Variants in ASTN2 observed in about 807,000 individuals in gnomAD.
ASTN2 encodes astrotactin 2, also known as astrotactin-2.
Under a neutral mutation model 139.8 loss-of-function variants are expected in ASTN2, and 54 were observed. The ratio of observed to expected loss-of-function variants is 0.39; its 90% CI spans 0.31 to 0.48. The LOEUF (loss-of-function observed/expected upper bound fraction) is 0.48, where lower values mean the gene tolerates loss of function less well. ASTN2 is among the 20% of genes least tolerant of loss of function. The pLI, the probability that ASTN2 is intolerant of heterozygous loss-of-function variation, is 0.95. For missense variants in ASTN2, 1,565 were observed against 1,725.1 expected, an observed-to-expected ratio of 0.91 and a Z score of 1.64; for synonymous variants, 756 against 719.5, an observed-to-expected ratio of 1.05 and a Z score of -0.81.
intron 19 of ASTN2, among the ~76,000 whole-genome samples, chr9:116,614,446 G>A (rs1855728716): frequency 6.6e-6 from 1 of 152,124 alleles, no homozygotes; most frequent in African/African-American, 2.4e-5. Flanking sequence ...CAAAGCTGGA[G>A]GCATCACACT....
chr9:117,048,133 C>A (rs1285915614), intron 5 of ASTN2, among the ~76,000 whole-genome samples: 3 of 152,202 alleles, frequency 2.0e-5, no homozygotes, highest in Admixed American at 6.5e-5. Flanking sequence ...CTCTATCAAC[C>A]TGCTAGATGT....
chr9:117,310,443 T>C (rs973726374), intron 1 of ASTN2, among the ~76,000 whole-genome samples: 4 of 152,158 alleles, frequency 2.6e-5, no homozygotes, highest in Admixed American at 6.5e-5. Flanking sequence ...TAAAGCATTC[T>C]CCTGAAGACA....
At chr9:116,831,562 A>G (rs1831815235) in intron 11 of ASTN2, among the ~76,000 whole-genome samples, 1 of 152,208 alleles carries the variant, frequency 6.6e-6, no homozygotes, top group South Asian at 2.1e-4. Context: ...GAGAAGAGAC[A>G]AATAATTAAC....
chr9:117,413,982 T>C (rs1413715472), intron 1 of ASTN2, among the ~76,000 whole-genome samples: 1 of 152,138 alleles, frequency 6.6e-6, no homozygotes, highest in Non-Finnish European at 1.5e-5. Flanking sequence ...GAAGCCACGC[T>C]TTTGCGGGTT....
chr9:116,999,484 G>A (rs888517261), intron 7 of ASTN2, among the ~76,000 whole-genome samples: 4 of 150,738 alleles, frequency 2.7e-5, no homozygotes, highest in African/African-American at 7.3e-5. Flanking sequence ...AAGTTGACAT[G>A]AGGGTTGAAG....
intron 17 of ASTN2, among the ~76,000 whole-genome samples, chr9:116,647,599 A>G (rs1029364784): frequency 3.3e-5 from 5 of 152,216 alleles, no homozygotes; most frequent in Admixed American, 3.3e-4. Flanking sequence ...ATTGCTATGC[A>G]TGTGCCAAGA....
intron 10 of ASTN2, among the ~76,000 whole-genome samples, chr9:116,873,018 A>C (rs891451633): frequency 1.3e-5 from 2 of 152,192 alleles, no homozygotes; most frequent in Non-Finnish European, 2.9e-5. Flanking sequence ...TTTTATTTAG[A>C]GTAATATCAT....
At chr9:116,783,983 C>T (rs1343621990) in intron 13 of ASTN2, among the ~76,000 whole-genome samples, 1 of 151,934 alleles carries the variant, frequency 6.6e-6, no homozygotes, top group Non-Finnish European at 1.5e-5. Flanking sequence ...AGGTAAATAT[C>T]AAATAATAAT....
intron 16 of ASTN2, among the ~76,000 whole-genome samples, chr9:116,719,239 T>G (rs1464012243): frequency 6.6e-6 from 1 of 151,842 alleles, no homozygotes; most frequent in Non-Finnish European, 1.5e-5. Flanking sequence ...GAATTAAAAT[T>G]GACAGAACTT....
At chr9:117,039,694 CT>C in intron 6 of ASTN2, 124 bp downstream of exon 6, 26 of 1,058,348 alleles carry the variant, frequency 2.5e-5, no homozygotes, top group South Asian at 6.8e-5. Context: ...TTAGATGCTC[CT>C]TTTTTTCCTC....
rs376390935 is a variant in ASTN2, at chr9:116,526,802, G to A, written c.3356-39302C>T. 1.2e-4 allele frequency among the ~76,000 whole-genome samples: 18 copies of A among 152,278 alleles called. No homozygotes were observed. In the South Asian group the frequency reaches 1.4e-3, roughly 12 times the overall value. ...CCGATATCTGTATCCTAGATGCTCA[G>A]ATCCAATTCTGGCCCAAAGCAAGTG... On this transcript the variant is annotated intron_variant, in intron 19 of 22. Coordinates refer to ENST00000313400, the MANE Select transcript of ASTN2 (RefSeq NM_001365068.1).
chr9:117,399,343 G>C (rs912899799), intron 1 of ASTN2, among the ~76,000 whole-genome samples: 21 of 152,020 alleles, frequency 1.4e-4, no homozygotes, highest in African/African-American at 5.1e-4. Flanking sequence ...CTTAAAAGAT[G>C]GTAGTTATGA....
intron 4 of ASTN2, among the ~76,000 whole-genome samples, chr9:117,108,070 T>G (rs1829151938): frequency 6.6e-6 from 1 of 152,176 alleles, no homozygotes; most frequent in Admixed American, 6.5e-5. Context: ...GTACAATCAT[T>G]GAGTACATGT....
rs190954326 is a variant in ASTN2, at chr9:117,289,212, C to T, written c.630+2114G>A. On this transcript the variant is annotated intron_variant, in intron 2 of 22. Transcript: ENST00000313400. ...ACAGGAGAGATCCAGATTATGGAGCCCTGAATGGGGGAAGGAACTTTGGAC... is the reference window on the plus strand; with the variant it reads ...ACAGGAGAGATCCAGATTATGGAGCTCTGAATGGGGGAAGGAACTTTGGAC... 2.6e-5 allele frequency among the ~76,000 whole-genome samples: 4 copies of T among 152,170 alleles called. No individual in the cohort carries two copies. The East Asian group carries it at 7.7e-4, about 29-fold the overall frequency.
chr9:117,343,759 A>T (rs764435307), intron 1 of ASTN2, among the ~76,000 whole-genome samples: 1 of 152,168 alleles, frequency 6.6e-6, no homozygotes, highest in Non-Finnish European at 1.5e-5. Context: ...GTTCTATACC[A>T]GCTTTATGTT....
At chr9:117,377,784 C>T (rs1479084859) in intron 1 of ASTN2, among the ~76,000 whole-genome samples, 1 of 151,780 alleles carries the variant, frequency 6.6e-6, no homozygotes, top group Non-Finnish European at 1.5e-5. Flanking sequence ...GATATGGATC[C>T]AAATATTCTA....
chr9:117,383,087 G>A (rs1354163687), intron 1 of ASTN2, among the ~76,000 whole-genome samples: 1 of 152,202 alleles, frequency 6.6e-6, no homozygotes, highest in Non-Finnish European at 1.5e-5. Flanking sequence ...AAGCGTGGCT[G>A]TGTTCAAATA....
At chr9:117,134,500 G>A (rs1164436103) in intron 4 of ASTN2, among the ~76,000 whole-genome samples, 1 of 151,952 alleles carries the variant, frequency 6.6e-6, no homozygotes, top group African/African-American at 2.4e-5. Context: ...GTCTGATTTT[G>A]ATGGAGGATT....
At chr9:117,353,749 C>T (rs1476803443) in intron 1 of ASTN2, among the ~76,000 whole-genome samples, 1 of 152,124 alleles carries the variant, frequency 6.6e-6, no homozygotes, top group Admixed American at 6.6e-5. Flanking sequence ...TCTGAAAACC[C>T]CACTAAATAC....
Sources: gnomAD v4.1 joint callset for allele counts (sites outside exome capture counted in the v4.1 genomes callset) on GRCh38, gnomAD v4.1.1 for gene constraint, MANE v1.5 for transcripts, NCBI Gene and HGNC (gene_info 2026-07-23, HGNC 2026-07-21) for gene names.